Variants in DAGLA observed in about 807,000 individuals in gnomAD.
DAGLA encodes diacylglycerol lipase-alpha.
Under a neutral mutation model 102.6 loss-of-function variants are expected in DAGLA, and 22 were observed. That is an observed-to-expected ratio of 0.21 (90% CI 0.15 to 0.31). DAGLA has a LOEUF of 0.31. Ranked by LOEUF, DAGLA falls within the 10% of genes least tolerant of loss-of-function variation. The pLI, the probability that DAGLA is intolerant of heterozygous loss-of-function variation, is 1.00. For missense variants in DAGLA, 927 were observed against 1,446.6 expected (o/e 0.64, Z 5.83); for synonymous variants, 578 against 628.9 (o/e 0.92, Z 1.21).
At chr11:61,692,961 T>G (rs1048552032) in intron 1 of DAGLA, among the ~76,000 whole-genome samples, 4 of 151,294 alleles carry the variant, frequency 2.6e-5, no homozygotes, top group African/African-American at 9.7e-5. Context: ...TAATAGTTGA[T>G]AGTTTTCCTA....
At chr11:61,682,489 G>C (rs563486322) in intron 1 of DAGLA, among the ~76,000 whole-genome samples, 1 of 152,292 alleles carries the variant, frequency 6.6e-6, no homozygotes, top group South Asian at 2.1e-4. Context: ...CCAGGCCCCC[G>C]GTCTCCAGAG....
intron 2 of DAGLA, 59 bp downstream of exon 2, chr11:61,720,309 G>A (rs569507889): frequency 1.1e-5 from 17 of 1,526,528 alleles, no homozygotes; most frequent in South Asian, 3.4e-5. Flanking sequence ...CTGGAAGGAC[G>A]CTTTCTGGCC....
intron 4 of DAGLA, 118 bp from the exon 5 acceptor site, chr11:61,723,316 C>A: frequency 7.1e-7 from 1 of 1,411,994 alleles, no homozygotes. Context: ...TGGAGCCTGG[C>A]TTTTGTCCCC....
chr11:61,734,880 G>A lies in DAGLA; in HGVS notation c.1006G>A (p.Ala336Thr), dbSNP rs578059392. 15 of 1,613,920 alleles carry A rather than the reference G, an allele frequency of 9.3e-6. No homozygotes were observed. The highest frequency in any genetic ancestry group is 1.7e-4 in the Middle Eastern group (1 of 6,060). Reference sequence around the variant, plus strand: ...CCTGTGTCCTGCGAGGCCGCGGTTCGCCCCTGGAGTCACCATCGAGGAAGA... The same window carrying A: ...CCTGTGTCCTGCGAGGCCGCGGTTCACCCCTGGAGTCACCATCGAGGAAGA... ...CCLCPARPRF[A>T]PGVTIEEDNC... Residue 336 changes from alanine (A) to threonine (T), a missense_variant, in exon 10 of 20, where the codon GCC (alanine) becomes ACC (threonine). This residue lies in a region of DAGLA where 44 missense variants were observed against 44.0 expected (regional missense o/e 1.00). Coordinates refer to ENST00000257215, the MANE Select transcript of DAGLA (RefSeq NM_006133.3). This position sits in a 1 kb window ranked among gnomAD's most constrained non-coding sequence, Gnocchi z 4.2.
chr11:61,741,232 A>T lies in DAGLA; in HGVS notation c.2054A>T (p.Glu685Val). 6.2e-7 allele frequency: 1 copy of T among 1,613,502 alleles called. No homozygotes were observed. Among genetic ancestry groups the T allele is most frequent in the Non-Finnish European group, 8.5e-7 (1 of 1,180,008 alleles). The change falls in exon 19 of 20, where the codon GAG becomes GTG. Residue 685 changes from glutamate to valine, a missense_variant. By Grantham distance (121) the Glu-to-Val change is moderately radical (BLOSUM62 -2). Coordinates refer to ENST00000257215, the MANE Select transcript of DAGLA (RefSeq NM_006133.3). ...GCCAAGGTCATGGTGAGCCCTACCG[A>T]GGTGGACCTGACTCCTGAGCTCATC... Reference protein sequence around the residue: ...SAAKVMVSPTEVDLTPELIFQ... With the variant: ...SAAKVMVSPTVVDLTPELIFQ...
chr11:61,702,012 G>C (rs971790896), intron 1 of DAGLA, among the ~76,000 whole-genome samples: 1 of 151,950 alleles, frequency 6.6e-6, no homozygotes, highest in African/African-American at 2.4e-5. Flanking sequence ...CTGGCCTCAA[G>C]TAATTCTCCT....
At chr11:61,689,021 C>T (rs566290349) in intron 1 of DAGLA, among the ~76,000 whole-genome samples, 33 of 152,398 alleles carry the variant, frequency 2.2e-4, no homozygotes, top group Middle Eastern at 3.4e-3. Flanking sequence ...GCATGCCTGC[C>T]ATCGCTCATT....
At chr11:61,706,869 G>T (rs1017752652) in intron 1 of DAGLA, among the ~76,000 whole-genome samples, 1 of 152,238 alleles carries the variant, frequency 6.6e-6, no homozygotes, top group African/African-American at 2.4e-5. Flanking sequence ...GCCTCTGCCG[G>T]TCTCACCAGG....
intron 18 of DAGLA, 72 bp downstream of exon 18, chr11:61,740,664 A>G: frequency 1.3e-6 from 2 of 1,566,610 alleles, no homozygotes; most frequent in African/African-American, 1.3e-5. Flanking sequence ...CGTAAGCACC[A>G]TCAGATCACT....
At chr11:61,737,858 G>C (rs1179634346) in intron 15 of DAGLA, 103 bp downstream of exon 15, 36 of 1,039,974 alleles carry the variant, frequency 3.5e-5, no homozygotes, top group Non-Finnish European at 5.0e-5. Flanking sequence ...TCCGATTCCT[G>C]TCTCTCAAGG....
In DAGLA at chr11:61,739,540, G is replaced by A; in HGVS notation, c.1732G>A (p.Ala578Thr). The A allele has an allele frequency of 3.7e-6, 6 of 1,614,122 alleles. No individual in the cohort carries two copies. Among genetic ancestry groups the A allele is most frequent in the Non-Finnish European group, 5.1e-6 (6 of 1,180,034 alleles). Reference sequence around the variant, plus strand: ...TGAGGAGGTAGAGGTGACCACCCTGGCCAGCACGCGGCTCTGGACCCACCC... The same window carrying A: ...TGAGGAGGTAGAGGTGACCACCCTGACCAGCACGCGGCTCTGGACCCACCC... Reference protein sequence around the residue: ...LPEEVEVTTLASTRLWTHPSD... With the variant: ...LPEEVEVTTLTSTRLWTHPSD... The change falls in exon 17 of 20, where the codon GCC (alanine) becomes ACC (threonine). Residue 578 changes from alanine to threonine, a missense_variant. By Grantham distance (58) the Ala-to-Thr change is moderately conservative. Around this residue, in one of 4 missense-constraint regions of DAGLA, gnomAD observed 218 missense variants for 459.6 expected, o/e 0.47. Transcript: ENST00000257215.
Position 61,737,214 on chromosome 11 carries a change from G to T in DAGLA, c.1404G>T (p.Val468=). 1 of 1,613,540 alleles carries T rather than the reference G, an allele frequency of 6.2e-7. No homozygotes were observed. Among genetic ancestry groups the T allele is most frequent in the East Asian group, 2.2e-5 (1 of 44,872 alleles). Residue 468 remains valine, a synonymous_variant, in exon 14 of 20, where the codon GTG becomes GTT. Transcript: ENST00000257215. ...GRGTKHYGLI[V]VGHSLGAGTA... Reference sequence around the variant, plus strand: ...GAACCAAACACTACGGCCTGATTGTGGTGGGCCACTCCCTGGGCGCGGGCA... The same window carrying T: ...GAACCAAACACTACGGCCTGATTGTTGTGGGCCACTCCCTGGGCGCGGGCA...
rs1404335391 is a variant in DAGLA, at chr11:61,737,682, T to C, written c.1515-5T>C. On this transcript the variant is annotated splice_region_variant and splice_polypyrimidine_tract_variant and intron_variant, in intron 14 of 19. Transcript: ENST00000257215. ...CCTTAGCTTCTGCTTCGGCTTCCCT[T>C]GCAGTGAGGATGCGATGGAGTATTC... is the stretch of plus-strand genomic sequence containing the variant. The C allele has an allele frequency of 1.9e-6, 3 of 1,613,842 alleles. No homozygotes were observed. The highest frequency in any genetic ancestry group is 2.5e-6 in the Non-Finnish European group (3 of 1,179,856).
intron 1 of DAGLA, among the ~76,000 whole-genome samples, chr11:61,689,755 C>T (rs953511957): frequency 4.6e-5 from 7 of 152,248 alleles, no homozygotes; most frequent in Non-Finnish European, 7.4e-5. Context: ...CCATCCACCT[C>T]GGCCTCCCAA....
rs905427699 is a variant in DAGLA at position 61,741,941 on chromosome 11, G to A, written c.2171+592G>A. On this transcript the variant is annotated intron_variant, in intron 19 of 19. Coordinates refer to ENST00000257215, the MANE Select transcript of DAGLA (RefSeq NM_006133.3). The stretch of plus-strand genomic sequence containing the variant: ...CAGATTCACTCTTACACACTTAGAC[G>A]CAAACAGATGGACACCCATTTACTT... Among the ~76,000 whole-genome samples, 7 of 152,088 alleles carry A rather than the reference G, an allele frequency of 4.6e-5. No individual in the cohort carries two copies. The East Asian group carries it at 5.8e-4, about 13-fold the overall frequency.
At chr11:61,726,224 T>A in intron 6 of DAGLA, 142 bp downstream of exon 6, 1 of 755,802 alleles carries the variant, frequency 1.3e-6, no homozygotes, top group Non-Finnish European at 2.3e-6. Flanking sequence ...TATGGCCTGC[T>A]CACACAGGGC....
Position 61,735,597 on chromosome 11 carries a change from G to T in DAGLA, c.1165G>T (p.Asp389Tyr), listed in dbSNP as rs775505139. The change falls in exon 11 of 20, where the codon GAC becomes TAC. Residue 389 changes from aspartate (D) to tyrosine (Y), a missense_variant. Coordinates refer to ENST00000257215, the MANE Select transcript of DAGLA (RefSeq NM_006133.3). ...ETPFYVAVDH[D>Y]KKKVVISIRG... ...GCCCTTCTACGTGGCGGTGGACCATGACAAGAAGAAAGTGGTGATCAGTAT... is the reference window on the plus strand; with the variant it reads ...GCCCTTCTACGTGGCGGTGGACCATTACAAGAAGAAAGTGGTGATCAGTAT... 2 of 1,614,096 alleles carry T rather than the reference G, an allele frequency of 1.2e-6. No homozygotes were observed. Among genetic ancestry groups the T allele is most frequent in the South Asian group, 2.2e-5 (2 of 91,082 alleles).
At chr11:61,722,003 C>T (rs1359737458) in intron 3 of DAGLA, among the ~76,000 whole-genome samples, 1 of 152,264 alleles carries the variant, frequency 6.6e-6, no homozygotes, top group Admixed American at 6.5e-5. Flanking sequence ...TCCTTCTCAG[C>T]CACCACTCCA....
intron 17 of DAGLA, 94 bp downstream of exon 17, chr11:61,739,755 G>A: frequency 7.6e-7 from 1 of 1,314,348 alleles, no homozygotes; most frequent in South Asian, 1.4e-5. Flanking sequence ...ACCGCTCGGG[G>A]CTGGGGGTGG....
Sources: allele counts gnomAD v4.1 joint callset (sites outside exome capture counted in the v4.1 genomes callset), GRCh38; gene constraint gnomAD v4.1.1; regional missense constraint gnomAD v4.1.1; non-coding constraint Gnocchi (gnomAD v3.1); transcripts MANE v1.5; gene names NCBI Gene and HGNC (gene_info 2026-07-23, HGNC 2026-07-21).